Variants in FAF1 observed in about 807,000 individuals in gnomAD.
The protein encoded by FAF1 is Fas associated factor 1.
In FAF1, 25 loss-of-function variants were observed where a neutral mutation model predicts 92.5. That is an observed-to-expected ratio of 0.27 (90% CI 0.20 to 0.38). The LOEUF (loss-of-function observed/expected upper bound fraction) is 0.38, where lower values mean the gene tolerates loss of function less well. Ranked by LOEUF, FAF1 falls within the 10% of genes least tolerant of loss-of-function variation. The probability of loss-of-function intolerance (pLI) is 1.00; values close to 1 mark genes in which losing one functional copy is unlikely to be tolerated. For synonymous variants in FAF1, 234 were observed against 273.2 expected, an observed-to-expected ratio of 0.86 and a Z score of 1.42; for missense variants, 636 against 793.3, an observed-to-expected ratio of 0.80 and a Z score of 2.38.
intron 13 of FAF1, among the ~76,000 whole-genome samples, chr1:50,563,201 A>G (rs1296199994): frequency 1.3e-5 from 2 of 152,126 alleles, no homozygotes; most frequent in African/African-American, 2.4e-5. Context: ...ACTATTACCT[A>G]TCTGTTTTTA....
At position 50,491,787 on chromosome 1, in the gene FAF1, G is replaced by C; in HGVS notation, c.1509C>G (p.Ala503=). Residue 503 remains alanine, a synonymous_variant, in exon 16 of 19, where the codon GCC becomes GCG. Coordinates refer to ENST00000396153, the MANE Select transcript of FAF1 (RefSeq NM_007051.3). ...EDIKDEDERE[A]RENVKREQDE... ...CTTGCTCTCTCTTCACATTTTCTCT[G>C]GCTTCACGTTCATCCTTAAAGAAAA... is the stretch of plus-strand genomic sequence containing the variant. 1.2e-6 allele frequency: 2 copies of C among 1,610,430 alleles called. No homozygotes were observed. Among genetic ancestry groups the C allele is most frequent in the Non-Finnish European group, 8.5e-7 (1 of 1,178,534 alleles).
chr1:50,576,739 C>T (rs180875482), intron 12 of FAF1, among the ~76,000 whole-genome samples: 1 of 149,368 alleles, frequency 6.7e-6, no homozygotes, highest in African/African-American at 2.4e-5. Context: ...ACCTTCTGGG[C>T]TCAAGTGATG....
intron 6 of FAF1, among the ~76,000 whole-genome samples, chr1:50,716,184 C>T (rs1243953294): frequency 6.6e-6 from 1 of 152,200 alleles, no homozygotes; most frequent in African/African-American, 2.4e-5. Flanking sequence ...CAACTAGCAG[C>T]AGGCCCATTT....
intron 9 of FAF1, among the ~76,000 whole-genome samples, chr1:50,593,606 T>TA (rs898813511): frequency 3.3e-5 from 5 of 151,236 alleles, no homozygotes; most frequent in South Asian, 2.1e-4. Context: ...TAAAGTGCTT[T>TA]AAAAAAAAAT....
chr1:50,865,308 T>A (rs1410528451), intron 1 of FAF1, among the ~76,000 whole-genome samples: 1 of 151,746 alleles, frequency 6.6e-6, no homozygotes. Context: ...GAACTAGAAA[T>A]ACCATTTGAC....
At chr1:50,827,676 T>C (rs1397011790) in intron 2 of FAF1, among the ~76,000 whole-genome samples, 1 of 151,920 alleles carries the variant, frequency 6.6e-6, no homozygotes, top group Non-Finnish European at 1.5e-5. Context: ...CAGACACAGC[T>C]TCACTAATGA....
chr1:50,820,301 C>T (rs544799385), intron 2 of FAF1, among the ~76,000 whole-genome samples: 1 of 152,186 alleles, frequency 6.6e-6, no homozygotes, highest in South Asian at 2.1e-4. Context: ...GTATTTATTA[C>T]CCATGTGATG....
chr1:50,833,340 T>TA (rs891504571), intron 2 of FAF1, among the ~76,000 whole-genome samples: 3,040 of 139,820 alleles, frequency 0.022, 64 homozygotes, highest in African/African-American at 0.059. Flanking sequence ...AGGCTTATTA[T>TA]AAAAAAAAAA....
chr1:50,729,709 T>G (rs899099765), intron 6 of FAF1, among the ~76,000 whole-genome samples: 8 of 148,830 alleles, frequency 5.4e-5, no homozygotes, highest in African/African-American at 1.7e-4. Flanking sequence ...ACCAAAGCTA[T>G]CTCACAGAAC....
chr1:50,536,990 CTTTT>C (rs769202432), intron 14 of FAF1, among the ~76,000 whole-genome samples: 1 of 150,252 alleles, frequency 6.7e-6, no homozygotes, highest in South Asian at 2.1e-4. Context: ...ATTTTTTATT[CTTTT>C]GAGACAGGGT....
chr1:50,469,959 C>T (rs1164369235), intron 18 of FAF1, among the ~76,000 whole-genome samples: 2 of 152,092 alleles, frequency 1.3e-5, no homozygotes, highest in Admixed American at 6.6e-5. Context: ...AGCAGTAGTA[C>T]CTTTAACATG....
At chr1:50,942,119 TA>T (rs1270225567) in intron 1 of FAF1, among the ~76,000 whole-genome samples, 1 of 152,222 alleles carries the variant, frequency 6.6e-6, no homozygotes, top group Non-Finnish European at 1.5e-5. Flanking sequence ...TATATGGAAA[TA>T]ACAACAATGG....
chr1:50,910,773 C>T lies in FAF1; in HGVS notation c.45+48994G>A, dbSNP rs187453789. Among the ~76,000 whole-genome samples the T allele has an allele frequency of 7.9e-5, 12 of 152,050 alleles. 1 individual carries two copies. Among genetic ancestry groups the T allele is most frequent in the South Asian group, 2.1e-4 (1 of 4,796 alleles). ...GGGAGTGTCCCGATTTTCCAGGTAC[C>T]GTCTGTCACAGCTTCCCTTGGCTAG... is the stretch of plus-strand genomic sequence containing the variant. On this transcript the variant is annotated intron_variant, in intron 1 of 18. Transcript: ENST00000396153.
chr1:50,615,046 T>G (rs979601495), intron 8 of FAF1, among the ~76,000 whole-genome samples: 1 of 152,106 alleles, frequency 6.6e-6, no homozygotes, highest in Non-Finnish European at 1.5e-5. Context: ...CCTCCCTCCC[T>G]GCTCTAGTAG....
intron 3 of FAF1, among the ~76,000 whole-genome samples, chr1:50,788,418 T>C (rs547817535): frequency 5.9e-5 from 9 of 152,354 alleles, no homozygotes; most frequent in African/African-American, 1.4e-4. Context: ...TGCCTTTCTA[T>C]GTTTATTAGC....
chr1:50,780,831 G>A (rs1322021393), intron 4 of FAF1: 2 of 434,526 alleles, frequency 4.6e-6, no homozygotes, highest in African/African-American at 4.0e-5. Context: ...GTTTATCCTG[G>A]ATAACGTGTC....
chr1:50,727,737 C>T (rs1658722289), intron 6 of FAF1, among the ~76,000 whole-genome samples: 1 of 152,070 alleles, frequency 6.6e-6, no homozygotes, highest in Admixed American at 6.6e-5. Context: ...AGAGGCAGAC[C>T]CACCCTCAAT....
At chr1:50,509,708 G>T (rs1459743672) in intron 15 of FAF1, among the ~76,000 whole-genome samples, 1 of 152,096 alleles carries the variant, frequency 6.6e-6, no homozygotes, top group Non-Finnish European at 1.5e-5. Context: ...AAATGACTTG[G>T]ATTCCAGTCC....
intron 7 of FAF1, among the ~76,000 whole-genome samples, chr1:50,700,185 C>A (rs1293580611): frequency 1.3e-5 from 2 of 151,198 alleles, no homozygotes; most frequent in Non-Finnish European, 2.9e-5. Flanking sequence ...AGTAATCTGC[C>A]TTTCTCTTTC....
Sources: gnomAD v4.1 joint callset for allele counts (sites outside exome capture counted in the v4.1 genomes callset) on GRCh38, gnomAD v4.1.1 for gene constraint, MANE v1.5 for transcripts, NCBI Gene and HGNC (gene_info 2026-07-23, HGNC 2026-07-21) for gene names.